Variants in RAB3GAP2 observed in about 807,000 individuals in gnomAD.
RAB3GAP2 encodes the protein rab3 GTPase-activating protein non-catalytic subunit.
RAB3GAP2 carries 87 observed loss-of-function variants against 185.3 expected under a neutral mutation model. The observed-to-expected ratio is 0.47, with a 90% CI of 0.39 to 0.56. The LOEUF (loss-of-function observed/expected upper bound fraction) is 0.56. Ranked by LOEUF, RAB3GAP2 falls within the 20% of genes least tolerant of loss-of-function variation. The probability of loss-of-function intolerance (pLI) is 0.00; values close to 1 mark genes in which losing one functional copy is unlikely to be tolerated. For synonymous variants in RAB3GAP2, 554 were observed against 576.1 expected, an observed-to-expected ratio of 0.96 and a Z score of 0.55; for missense variants, 1,492 against 1,638.2, an observed-to-expected ratio of 0.91 and a Z score of 1.54.
chr1:220,234,362 G>C (rs1659555451), intron 1 of RAB3GAP2, among the ~76,000 whole-genome samples: 1 of 152,196 alleles, frequency 6.6e-6, no homozygotes, highest in African/African-American at 2.4e-5. Flanking sequence ...GGTTTTAAAG[G>C]TTGCTGAAAT....
chr1:220,269,735 A>C (rs899588729), intron 1 of RAB3GAP2, among the ~76,000 whole-genome samples: 11 of 152,192 alleles, frequency 7.2e-5, no homozygotes, highest in African/African-American at 2.4e-4. Context: ...AAAAAAGGCA[A>C]TGTTGTGATC....
chr1:220,217,654 T>C (rs963339620), intron 2 of RAB3GAP2, among the ~76,000 whole-genome samples: 2 of 152,162 alleles, frequency 1.3e-5, no homozygotes, highest in Non-Finnish European at 2.9e-5. Context: ...TAATAGAATA[T>C]AGGAGTAAAT....
intron 8 of RAB3GAP2, 90 bp downstream of exon 8, chr1:220,205,817 T>G (rs1658953022): frequency 9.9e-7 from 1 of 1,012,070 alleles, no homozygotes; most frequent in Non-Finnish European, 1.5e-6. Context: ...AGGCCTTTTT[T>G]ATTTAGAAGA....
At chr1:220,267,736 C>A (rs1367921984) in intron 1 of RAB3GAP2, 3 of 1,566,846 alleles carry the variant, frequency 1.9e-6, no homozygotes, top group Non-Finnish European at 2.6e-6. Flanking sequence ...AGCTTTTGTG[C>A]TTGCAAAGGA....
At chr1:220,186,370 TTAAA>T (rs1658507525) in intron 17 of RAB3GAP2, among the ~76,000 whole-genome samples, 1 of 152,204 alleles carries the variant, frequency 6.6e-6, no homozygotes, top group African/African-American at 2.4e-5. Flanking sequence ...ATTAATGAGA[TTAAA>T]TAGTTCAAAA....
chr1:220,272,297 A>G lies in RAB3GAP2; in HGVS notation c.41T>C (p.Leu14Pro). Residue 14 changes from leucine (L) to proline (P), a missense_variant, in exon 1 of 35, where the codon CTC (leucine) becomes CCC (proline). Around this residue, in one of 5 missense-constraint regions of RAB3GAP2, gnomAD observed 177 missense variants for 160.6 expected, o/e 1.10. Transcript: ENST00000358951. ...AAAGAGGAAGTCCCGGGCGGCCTGG[A>G]GGTCCTGGAAGTAGCAGAACTGGAC... ...SIVQFCYFQD[L>P]QAARDFLFPH... 6.8e-6 allele frequency: 11 copies of G among 1,612,300 alleles called. No individual in the cohort carries two copies. The highest frequency in any genetic ancestry group is 9.3e-6 in the Non-Finnish European group (11 of 1,179,602).
At chr1:220,250,327 C>T (rs1160549986) in intron 1 of RAB3GAP2, among the ~76,000 whole-genome samples, 1 of 152,226 alleles carries the variant, frequency 6.6e-6, no homozygotes, top group Non-Finnish European at 1.5e-5. Flanking sequence ...TTTGGACTTA[C>T]AGGGGGCCTG....
At chr1:220,245,814 G>C (rs1659800332) in intron 1 of RAB3GAP2, among the ~76,000 whole-genome samples, 1 of 152,222 alleles carries the variant, frequency 6.6e-6, no homozygotes, top group Non-Finnish European at 1.5e-5. Flanking sequence ...CAAGCAGCTG[G>C]AGATCTGAGA....
chr1:220,211,401 T>C (rs1327182470), intron 4 of RAB3GAP2: 1 of 463,110 alleles, frequency 2.2e-6, no homozygotes. Context: ...TGCCTCTTGT[T>C]TGAGATCAGG....
chr1:220,197,090 G>A (rs893757717), intron 9 of RAB3GAP2, among the ~76,000 whole-genome samples: 2 of 151,552 alleles, frequency 1.3e-5, no homozygotes, highest in African/African-American at 2.4e-5. Flanking sequence ...AGGTTCAAGC[G>A]ATTCTCTTGC....
chr1:220,241,783 C>A (rs948056773), intron 1 of RAB3GAP2, among the ~76,000 whole-genome samples: 39 of 151,630 alleles, frequency 2.6e-4, no homozygotes, highest in African/African-American at 9.0e-4. Context: ...AGTCACTTAC[C>A]AAAGGGTTAT....
intron 21 of RAB3GAP2, among the ~76,000 whole-genome samples, chr1:220,180,793 C>T (rs931582412): frequency 6.6e-6 from 1 of 152,152 alleles, no homozygotes; most frequent in Non-Finnish European, 1.5e-5. Flanking sequence ...ACACATTAAA[C>T]CATCAACAAG....
chr1:220,210,842 C>T lies in RAB3GAP2; in HGVS notation c.469G>A (p.Val157Met), dbSNP rs1449980154. The change falls in exon 6 of 35, where the codon GTG becomes ATG. Residue 157 changes from valine (V) to methionine (M), a missense_variant. Val to Met is a conservative substitution (Grantham distance 21). Around this residue, in one of 5 missense-constraint regions of RAB3GAP2, gnomAD observed 243 missense variants for 314.8 expected, o/e 0.77. Coordinates refer to ENST00000358951, the MANE Select transcript of RAB3GAP2 (RefSeq NM_012414.4). ...STGRPDWTCI[V>M]VGFTSGYVRF... ...ACATAACCTGAAGTAAAACCCACCA[C>T]AATGCAGGTCCAGTCAGGACGCCCA... is the stretch of plus-strand genomic sequence containing the variant. 18 of 1,613,822 alleles carry T rather than the reference C, an allele frequency of 1.1e-5. No homozygotes were observed. Among genetic ancestry groups the T allele is most frequent in the Non-Finnish European group, 1.5e-5 (18 of 1,179,852 alleles).
At chr1:220,174,882 C>T (rs1408724029) in intron 21 of RAB3GAP2, among the ~76,000 whole-genome samples, 1 of 152,156 alleles carries the variant, frequency 6.6e-6, no homozygotes, top group Non-Finnish European at 1.5e-5. Flanking sequence ...GTTTAACCAA[C>T]AAAATTCAGA....
At position 220,182,426 on chromosome 1, in the gene RAB3GAP2, C is replaced by A. The variant is rs189531804; in HGVS notation, c.2213-72G>T. On this transcript the variant is annotated intron_variant, in intron 20 of 34. Coordinates refer to ENST00000358951, the MANE Select transcript of RAB3GAP2 (RefSeq NM_012414.4). Reference sequence around the variant, plus strand: ...TTGGACTAACAATCTTATTGAATCACAATCTGGAATTCCAGAGAAACAAAA... The same window carrying A: ...TTGGACTAACAATCTTATTGAATCAAAATCTGGAATTCCAGAGAAACAAAA... The A allele has an allele frequency of 8.4e-4, 1,341 of 1,593,864 alleles. 11 individuals are homozygous for A. The African/African-American group carries it at 0.015, about 18-fold the overall frequency.
chr1:220,218,223 T>C (rs1471506283), intron 2 of RAB3GAP2, among the ~76,000 whole-genome samples: 1 of 152,204 alleles, frequency 6.6e-6, no homozygotes, highest in Non-Finnish European at 1.5e-5. Context: ...CATTCTTTAC[T>C]GCAGTTTATT....
chr1:220,164,962 T>C (rs776441150), intron 26 of RAB3GAP2, among the ~76,000 whole-genome samples, 163 bp from the exon 27 acceptor site: 1 of 152,010 alleles, frequency 6.6e-6, no homozygotes, highest in Non-Finnish European at 1.5e-5. Context: ...TTTGATAAAC[T>C]GTCCCTCTTC....
intron 1 of RAB3GAP2, among the ~76,000 whole-genome samples, chr1:220,245,934 C>A (rs1659803124): frequency 6.6e-6 from 1 of 152,230 alleles, no homozygotes; most frequent in Non-Finnish European, 1.5e-5. Context: ...GCAGGGTATT[C>A]CAACAGACCT....
intron 33 of RAB3GAP2, among the ~76,000 whole-genome samples, chr1:220,152,178 C>T (rs538182196): frequency 2.6e-5 from 4 of 152,286 alleles, no homozygotes; most frequent in South Asian, 4.1e-4. Flanking sequence ...TGGGTTCAAG[C>T]GATTCTCCTG....
Sources: allele counts gnomAD v4.1 joint callset (sites outside exome capture counted in the v4.1 genomes callset), GRCh38; gene constraint gnomAD v4.1.1; regional missense constraint gnomAD v4.1.1; transcripts MANE v1.5; gene names NCBI Gene and HGNC (gene_info 2026-07-23, HGNC 2026-07-21).